PCDHA7: variants seen among roughly 807,000 people sequenced by gnomAD.
PCDHA7 encodes protocadherin alpha 7, also known as protocadherin alpha-7.
Under a neutral mutation model 57.2 loss-of-function variants are expected in PCDHA7, and 37 were observed. That is an observed-to-expected ratio of 0.65 (90% confidence interval 0.50 to 0.85). The LOEUF (loss-of-function observed/expected upper bound fraction) is 0.85, where lower values mean the gene tolerates loss of function less well. Among genes scored for constraint, PCDHA7 ranks in the 40% least tolerant of loss-of-function variants. The pLI is 0.00. For synonymous variants in PCDHA7, 553 were observed against 558.8 expected (o/e 0.99, Z 0.15); for missense variants, 1,188 against 1,241.8 (o/e 0.96, Z 0.65).
chr5:140,979,522 A>G (rs576025092), intron 2 of PCDHA7, among the ~76,000 whole-genome samples: 1 of 152,098 alleles, frequency 6.6e-6, no homozygotes, highest in South Asian at 2.1e-4. Context: ...ATCTGTTGCT[A>G]TCTTATTGTC....
At chr5:140,967,320 A>G in intron 1 of PCDHA7, 6 of 1,609,774 alleles carry the variant, frequency 3.7e-6, no homozygotes, top group Non-Finnish European at 5.1e-6. Context: ...GTACAGACCT[A>G]CGAGCTCAGC....
intron 1 of PCDHA7, chr5:140,841,607 T>G (rs1554138334): frequency 4.3e-6 from 7 of 1,614,090 alleles, no homozygotes; most frequent in Non-Finnish European, 5.9e-6. Flanking sequence ...CGAGGAGCTG[T>G]GCGGGCGGAG....
In PCDHA7 at chr5:140,836,445, G is replaced by C; in HGVS notation, c.2062G>C (p.Gly688Arg). The C allele has an allele frequency of 6.2e-7, 1 of 1,613,836 alleles. No homozygotes were observed. The highest frequency in any genetic ancestry group is 8.5e-7 in the Non-Finnish European group (1 of 1,179,854). The change falls in exon 1 of 4, where the codon GGC becomes CGC. Residue 688 changes from glycine (G) to arginine (R), a missense_variant. Gly to Arg is a moderately radical substitution (Grantham distance 125). Around this residue, in one of 3 missense-constraint regions of PCDHA7, gnomAD observed 892 missense variants for 788.5 expected, o/e 1.13. Coordinates refer to ENST00000525929, the MANE Select transcript of PCDHA7 (RefSeq NM_018910.3). ...GTCGCGGGCATCGTTGGGCATTGCAGGCCCAGAGACCGAGCTGGTGGATGT... is the reference window on the plus strand; with the variant it reads ...GTCGCGGGCATCGTTGGGCATTGCACGCCCAGAGACCGAGCTGGTGGATGT... Reference protein sequence around the residue: ...ASSRASLGIAGPETELVDVNV... With the variant: ...ASSRASLGIARPETELVDVNV...
Position 140,884,687 on chromosome 5 carries a change from T to C in PCDHA7, c.2355+47949T>C, listed in dbSNP as rs782253030. The C allele has an allele frequency of 4.6e-6, 7 of 1,538,230 alleles. No homozygotes were observed. In the South Asian group the frequency reaches 8.8e-5, roughly 19 times the overall value. On this transcript the variant is annotated intron_variant, in intron 1 of 3. Coordinates refer to ENST00000525929, the MANE Select transcript of PCDHA7 (RefSeq NM_018910.3). ...GGTAAGCTTATATTTTAAAAAATTGTCTTAGTAAACACTTTAGCCTTCCTT... is the reference window on the plus strand; with the variant it reads ...GGTAAGCTTATATTTTAAAAAATTGCCTTAGTAAACACTTTAGCCTTCCTT...
At chr5:140,865,274 A>G (rs1465243720) in intron 1 of PCDHA7, 5 of 152,220 alleles carry the variant, frequency 3.3e-5, no homozygotes, top group African/African-American at 1.2e-4. Flanking sequence ...AATTATATGT[A>G]AAATTACTTT....
At chr5:140,911,258 T>C (rs265316) in intron 1 of PCDHA7, among the ~76,000 whole-genome samples, 87,913 of 151,980 alleles carry the variant, frequency 0.58, 26,381 homozygotes, top group African/African-American at 0.75. Flanking sequence ...TCAGAATTTA[T>C]AATCTCAGTG....
chr5:140,851,796 T>C, intron 1 of PCDHA7: 3 of 954,006 alleles, frequency 3.1e-6, no homozygotes, highest in Non-Finnish European at 3.8e-6. Flanking sequence ...TCACTTGTTC[T>C]GTCAGTAATC....
At chr5:140,908,452 T>A (rs2073982140) in intron 1 of PCDHA7, among the ~76,000 whole-genome samples, 1 of 152,196 alleles carries the variant, frequency 6.6e-6, no homozygotes, top group African/African-American at 2.4e-5. Context: ...TATGGCTAGA[T>A]GGATCAGAAA....
intron 3 of PCDHA7, among the ~76,000 whole-genome samples, chr5:140,989,845 T>C (rs1180098230): frequency 2.6e-5 from 4 of 152,118 alleles, no homozygotes; most frequent in Non-Finnish European, 5.9e-5. Flanking sequence ...AATGAGTGTG[T>C]GGACTGGAGA....
intron 1 of PCDHA7, among the ~76,000 whole-genome samples, chr5:140,977,958 C>T (rs1912706): frequency 0.036 from 5,518 of 152,194 alleles, 299 homozygotes; most frequent in African/African-American, 0.12. Context: ...AGGGCCACCT[C>T]AATCTCCGCC....
At chr5:140,955,480 C>T (rs940139413) in intron 1 of PCDHA7, among the ~76,000 whole-genome samples, 3 of 152,088 alleles carry the variant, frequency 2.0e-5, no homozygotes, top group African/African-American at 7.2e-5. Flanking sequence ...GGCACCTCTC[C>T]TTCCTGCCAC....
intron 1 of PCDHA7, chr5:140,927,159 C>G (rs782468229): frequency 6.2e-7 from 1 of 1,614,046 alleles, no homozygotes; most frequent in Non-Finnish European, 8.5e-7. Context: ...TGTGCAGGGC[C>G]AAAGCTGCCT....
At chr5:140,981,629 G>A (rs1342775971) in intron 2 of PCDHA7, among the ~76,000 whole-genome samples, 1 of 151,994 alleles carries the variant, frequency 6.6e-6, no homozygotes. Flanking sequence ...GGTTTTCTTG[G>A]ACATTTTCTC....
At chr5:140,963,303 G>A (rs2153735006) in intron 1 of PCDHA7, among the ~76,000 whole-genome samples, 1 of 152,286 alleles carries the variant, frequency 6.6e-6, no homozygotes, top group South Asian at 2.1e-4. Flanking sequence ...GAGAAAATAA[G>A]AAGCTGTTTG....
At position 140,869,273 on chromosome 5, in the gene PCDHA7, C is replaced by A. The variant is rs782135758; in HGVS notation, c.2355+32535C>A. 1.9e-6 allele frequency: 3 copies of A among 1,613,438 alleles called. No homozygotes were observed. Among genetic ancestry groups the A allele is most frequent in the African/African-American group, 2.7e-5 (2 of 74,920 alleles). On this transcript the variant is annotated intron_variant, in intron 1 of 3. Transcript: ENST00000525929. ...GCGCAGGACCTGGGGCTGGAGCTGG[C>A]GGAGCTGGTGCAGCGCCTGTTCCGG...
intron 2 of PCDHA7, 83 bp from the exon 3 acceptor site, chr5:140,982,392 T>C: frequency 6.3e-7 from 1 of 1,598,158 alleles, no homozygotes. Context: ...GGCTTCATAG[T>C]TGTAAGCAAT....
intron 1 of PCDHA7, among the ~76,000 whole-genome samples, chr5:140,905,373 G>C (rs556428182): frequency 3.1e-4 from 47 of 152,236 alleles, no homozygotes; most frequent in Non-Finnish European, 4.6e-4. Context: ...CTGGTTCTCT[G>C]TTCTGTTTCA....
intron 1 of PCDHA7, among the ~76,000 whole-genome samples, chr5:140,963,794 A>G (rs2095791576): frequency 6.6e-6 from 1 of 152,248 alleles, no homozygotes; most frequent in Non-Finnish European, 1.5e-5. Flanking sequence ...ACAATAATGT[A>G]CTTAACTAGT....
At chr5:140,937,933 A>T (rs1452935525) in intron 1 of PCDHA7, among the ~76,000 whole-genome samples, 1 of 151,854 alleles carries the variant, frequency 6.6e-6, no homozygotes, top group Non-Finnish European at 1.5e-5. Flanking sequence ...AAAAAGTTTA[A>T]TTTGATAATT....
Sources: gnomAD v4.1 joint callset for allele counts (sites outside exome capture counted in the v4.1 genomes callset) on GRCh38, gnomAD v4.1.1 for gene constraint, gnomAD v4.1.1 regional missense constraint, MANE v1.5 for transcripts, NCBI Gene and HGNC (gene_info 2026-07-23, HGNC 2026-07-21) for gene names.